Variants in FBXO34 observed in about 807,000 individuals in gnomAD.
FBXO34 encodes the protein F-box only protein 34.
Under a neutral mutation model 24.5 loss-of-function variants are expected in FBXO34, and 12 were observed. That is an observed-to-expected ratio of 0.49 (90% CI 0.31 to 0.79). The LOEUF (loss-of-function observed/expected upper bound fraction) is 0.79, where lower values mean the gene tolerates loss of function less well. Ranked by LOEUF, FBXO34 falls within the 30% of genes least tolerant of loss-of-function variation. The pLI is 0.04. For missense variants in FBXO34, 823 were observed against 857.7 expected (o/e 0.96, Z 0.51); for synonymous variants, 320 against 311.9 (o/e 1.03, Z -0.27).
the FBXO34 span, among the ~76,000 whole-genome samples, chr14:55,416,303 G>A: frequency 5.9e-5 from 9 of 152,070 alleles, no homozygotes; most frequent in Admixed American, 3.3e-4. Flanking sequence ...AATTTTTTAA[G>A]AAATAAGGGC....
intron 1 of FBXO34, among the ~76,000 whole-genome samples, chr14:55,338,348 G>A (rs1172173748): frequency 1.3e-5 from 2 of 151,718 alleles, no homozygotes; most frequent in Admixed American, 6.6e-5. Flanking sequence ...TGCGGCCAGC[G>A]AGTATGGACT....
chr14:55,424,391 A>G, the FBXO34 span: 2 of 566,460 alleles, frequency 3.5e-6, no homozygotes, highest in Non-Finnish European at 6.3e-6. Context: ...CTTTTTAACT[A>G]TCTTGATGAA....
chr14:55,345,875 A>G (rs1884143671), intron 1 of FBXO34, among the ~76,000 whole-genome samples: 1 of 152,100 alleles, frequency 6.6e-6, no homozygotes, highest in Admixed American at 6.5e-5. Context: ...CCATTGTGGC[A>G]TGTGCTTGTG....
chr14:55,335,717 A>T (rs1450520346), intron 1 of FBXO34, among the ~76,000 whole-genome samples: 1 of 152,240 alleles, frequency 6.6e-6, no homozygotes, highest in Non-Finnish European at 1.5e-5. Context: ...TCATTTAAAA[A>T]TGCTTATTAT....
chr14:55,391,451 G>C, the FBXO34 span: 3 of 147,304 alleles, frequency 2.0e-5, no homozygotes, highest in African/African-American at 7.5e-5. Context: ...AGTCCAGCCT[G>C]GCAACTGAGT....
At chr14:55,319,715 C>T (rs575365268) in intron 1 of FBXO34, among the ~76,000 whole-genome samples, 6 of 152,222 alleles carry the variant, frequency 3.9e-5, no homozygotes, top group African/African-American at 7.2e-5. Flanking sequence ...CTGGCTCTGT[C>T]GCCAGGCTGG....
chr14:55,356,567 C>T (rs1221306804), downstream of FBXO34, among the ~76,000 whole-genome samples: 1 of 152,150 alleles, frequency 6.6e-6, no homozygotes, highest in Non-Finnish European at 1.5e-5. Context: ...TCTGCCTTAG[C>T]CTCCCGAGTA....
chr14:55,323,183 TCAAAA>T (rs1566555681), intron 1 of FBXO34, among the ~76,000 whole-genome samples: 1 of 4,020 alleles, frequency 2.5e-4, no homozygotes, highest in African/African-American at 9.9e-4. Context: ...AGACTCTGTC[TCAAAA>T]AAAAAAAAAA....
the FBXO34 span, among the ~76,000 whole-genome samples, chr14:55,429,961 T>C: frequency 6.6e-6 from 1 of 152,124 alleles, no homozygotes; most frequent in South Asian, 2.1e-4. Context: ...CTTGTTTTGC[T>C]CGGCTTTCTC....
chr14:55,371,533 G>C (rs562048236), downstream of FBXO34, among the ~76,000 whole-genome samples: 2 of 152,268 alleles, frequency 1.3e-5, no homozygotes, highest in South Asian at 4.1e-4. Context: ...CAGGCCGGGC[G>C]CGGTGGCTCA....
intron 3 of FBXO34, among the ~76,000 whole-genome samples, chr14:55,360,915 T>C (rs953050678): frequency 6.6e-6 from 1 of 152,098 alleles, no homozygotes; most frequent in African/African-American, 2.4e-5. Flanking sequence ...GGAGAATTGC[T>C]TGAACTCGTG....
chr14:55,428,902 G>A, the FBXO34 span: 5 of 1,614,134 alleles, frequency 3.1e-6, no homozygotes, highest in South Asian at 5.5e-5. Context: ...TAAAATCGAG[G>A]AATCTGGCAG....
At chr14:55,421,060 C>CAAAAAAAA in the FBXO34 span, among the ~76,000 whole-genome samples, 4 of 107,536 alleles carry the variant, frequency 3.7e-5, no homozygotes, top group Admixed American at 1.1e-4. Context: ...GAATCTGTCT[C>CAAAAAAAA]AAAAAAAAAA....
downstream of FBXO34, among the ~76,000 whole-genome samples, chr14:55,371,616 AAC>A (rs747800438): frequency 1.3e-4 from 20 of 152,148 alleles, no homozygotes; most frequent in South Asian, 1.9e-3. Flanking sequence ...ACCATTGGCT[AAC>A]ACAGTGAAAC....
chr14:55,350,435 C>T lies in FBXO34; in HGVS notation c.45C>T (p.Pro15=). ...PYWKLQKKEH[P]PEVSRETQRT... ...GGAAGCTCCAGAAGAAAGAGCACCC[C>T]CCGGAAGTCAGCAGGGAAACGCAGA... is the stretch of plus-strand genomic sequence containing the variant. The change falls in exon 2 of 2, where the codon CCC becomes CCT. Residue 15 remains proline, a synonymous_variant. Coordinates refer to ENST00000313833, the MANE Select transcript of FBXO34 (RefSeq NM_017943.4). 1 of 1,606,714 alleles carries T rather than the reference C, an allele frequency of 6.2e-7. No individual in the cohort carries two copies. The highest frequency in any genetic ancestry group is 8.5e-7 in the Non-Finnish European group (1 of 1,177,238).
intron 1 of FBXO34, among the ~76,000 whole-genome samples, chr14:55,287,749 G>A (rs1241128544): frequency 3.3e-5 from 5 of 152,272 alleles, no homozygotes; most frequent in South Asian, 2.1e-4. Context: ...AAATATTTCC[G>A]CCAGAGTCAC....
At chr14:55,291,718 C>A (rs1294831632) in intron 1 of FBXO34, among the ~76,000 whole-genome samples, 1 of 152,036 alleles carries the variant, frequency 6.6e-6, no homozygotes, top group Non-Finnish European at 1.5e-5. Context: ...CACCTGTAAT[C>A]CCAGTGCTTT....
chr14:55,396,682 G>C, the FBXO34 span, among the ~76,000 whole-genome samples: 1 of 152,178 alleles, frequency 6.6e-6, no homozygotes, highest in Non-Finnish European at 1.5e-5. Flanking sequence ...AAGAGGAAAA[G>C]CACTGAGGTA....
Position 55,352,618 on chromosome 14 carries a change from ACT to A in FBXO34, c.*95_*96del. 9.7e-7 allele frequency: 1 copy of A among 1,029,934 alleles called. No homozygotes were observed. Among genetic ancestry groups the A allele is most frequent in the East Asian group, 2.6e-5 (1 of 38,490 alleles). The allele number at this position is 1,029,934 out of a possible 1,614,324, so 63.8% of individuals were successfully genotyped here. A position where few individuals can be genotyped will look rare whatever the true frequency, so the allele number is the denominator to read the frequency against. ...AATGAGCGTAGCCCCCTGAGTCATC[ACT>A]CTAGAAGAATCTGTACATCATCAGG... On this transcript the variant is annotated 3_prime_UTR_variant, in exon 2 of 2. Coordinates refer to ENST00000313833, the MANE Select transcript of FBXO34 (RefSeq NM_017943.4).
Sources: gnomAD v4.1 joint callset for allele counts (sites outside exome capture counted in the v4.1 genomes callset) on GRCh38, gnomAD v4.1.1 for gene constraint, MANE v1.5 for transcripts, NCBI Gene and HGNC (gene_info 2026-07-23, HGNC 2026-07-21) for gene names.